The following RAD51B variants were observed in gnomAD, a reference collection of about 807,000 sequenced individuals.
The protein encoded by RAD51B is RAD51 paralog B, also known as DNA repair protein RAD51 homolog 2.
RAD51B carries 38 observed loss-of-function variants against 42.2 expected under a neutral mutation model. That is an observed-to-expected ratio of 0.90 (90% CI 0.70 to 1.18). The LOEUF is 1.18. Among genes scored for constraint, RAD51B ranks in the 50% most tolerant of loss-of-function variants. The pLI is 0.00. For synonymous variants in RAD51B, 154 were observed against 145.2 expected (o/e 1.06, Z -0.43); for missense variants, 373 against 400.7 (o/e 0.93, Z 0.59).
chr14:67,852,193 G>C (rs1191751495), intron 4 of RAD51B, among the ~76,000 whole-genome samples: 1 of 152,230 alleles, frequency 6.6e-6, no homozygotes, highest in Non-Finnish European at 1.5e-5. Flanking sequence ...GTTGGTGGTG[G>C]AGTGGGCGTG....
At chr14:68,449,882 C>T (rs968066905) in intron 9 of RAD51B, among the ~76,000 whole-genome samples, 4 of 152,094 alleles carry the variant, frequency 2.6e-5, no homozygotes, top group Non-Finnish European at 5.9e-5. Context: ...TAGAAGAACT[C>T]GGTCTGAATA....
intron 11 of RAD51B, among the ~76,000 whole-genome samples, chr14:68,673,644 A>G (rs117555425): frequency 0.094 from 14,263 of 152,130 alleles, 691 homozygotes; most frequent in Middle Eastern, 0.15. Context: ...ACATATGTAT[A>G]CATGCACACA....
chr14:68,060,875 T>G (rs969159083), intron 7 of RAD51B, among the ~76,000 whole-genome samples: 1 of 152,144 alleles, frequency 6.6e-6, no homozygotes, highest in African/African-American at 2.4e-5. Flanking sequence ...TTGTCAAAAA[T>G]TAGTTGGCTA....
At chr14:67,978,305 G>T (rs2075031268) in intron 7 of RAD51B, among the ~76,000 whole-genome samples, 1 of 152,210 alleles carries the variant, frequency 6.6e-6, no homozygotes, top group South Asian at 2.1e-4. Flanking sequence ...TAAAGTTCTT[G>T]ATTCTTACCT....
At chr14:68,034,286 G>T (rs1485538809) in intron 7 of RAD51B, among the ~76,000 whole-genome samples, 1 of 151,360 alleles carries the variant, frequency 6.6e-6, no homozygotes, top group Admixed American at 6.6e-5. Context: ...TTGGTGGTGG[G>T]GTGGGAACAT....
At chr14:68,207,805 T>C (rs2079623482) in intron 7 of RAD51B, among the ~76,000 whole-genome samples, 1 of 152,168 alleles carries the variant, frequency 6.6e-6, no homozygotes, top group East Asian at 1.9e-4. Context: ...TGATATTTGG[T>C]TACCAAAGGT....
chr14:68,580,398 C>T (rs1190603341), intron 10 of RAD51B, among the ~76,000 whole-genome samples: 1 of 152,166 alleles, frequency 6.6e-6, no homozygotes, highest in African/African-American at 2.4e-5. Context: ...GGAGGCCTGT[C>T]CTACCTTTGA....
At chr14:68,277,773 T>C (rs193035176) in intron 7 of RAD51B, among the ~76,000 whole-genome samples, 1 of 152,240 alleles carries the variant, frequency 6.6e-6, no homozygotes, top group East Asian at 1.9e-4. Context: ...GAGTCTCGCT[T>C]TGTCATCCAG....
At chr14:68,365,482 A>G (rs34550836) in intron 8 of RAD51B, among the ~76,000 whole-genome samples, 13,317 of 152,300 alleles carry the variant, frequency 0.087, 819 homozygotes, top group Non-Finnish European at 0.14. Flanking sequence ...TGTATCATAC[A>G]ATCTAGATAT....
intron 7 of RAD51B, among the ~76,000 whole-genome samples, chr14:68,231,412 G>T (rs149963608): frequency 2.0e-5 from 3 of 151,630 alleles, no homozygotes; most frequent in Non-Finnish European, 4.4e-5. Flanking sequence ...CTATAATTTC[G>T]ATTCCTTTTC....
chr14:67,824,372 T>C (rs1294095922), intron 2 of RAD51B, among the ~76,000 whole-genome samples: 2 of 152,134 alleles, frequency 1.3e-5, no homozygotes, highest in Non-Finnish European at 2.9e-5. Flanking sequence ...ATTCTCCTGC[T>C]TCCATCTCCT....
At chr14:68,433,645 C>T (rs1195483240) in intron 9 of RAD51B, among the ~76,000 whole-genome samples, 3 of 152,132 alleles carry the variant, frequency 2.0e-5, no homozygotes, top group South Asian at 2.1e-4. Context: ...GTTAGCCATT[C>T]GTCTAATCTT....
intron 7 of RAD51B, among the ~76,000 whole-genome samples, chr14:68,116,983 A>G (rs1047558496): frequency 6.6e-6 from 1 of 152,240 alleles, no homozygotes; most frequent in Non-Finnish European, 1.5e-5. Context: ...ATTAATTTAC[A>G]TAAGTCCCTT....
intron 10 of RAD51B, among the ~76,000 whole-genome samples, chr14:68,486,574 CAT>C (rs888979810): frequency 1.3e-5 from 2 of 152,230 alleles, no homozygotes; most frequent in Non-Finnish European, 2.9e-5. Flanking sequence ...GTGTCAATAA[CAT>C]AAGCCTCTCT....
At chr14:68,329,398 G>C (rs2082305345) in intron 8 of RAD51B, among the ~76,000 whole-genome samples, 1 of 152,110 alleles carries the variant, frequency 6.6e-6, no homozygotes, top group African/African-American at 2.4e-5. Flanking sequence ...ACAACTTCTG[G>C]GATCCACAGC....
intron 7 of RAD51B, among the ~76,000 whole-genome samples, chr14:68,019,051 A>C (rs1046250404): frequency 6.6e-6 from 1 of 152,172 alleles, no homozygotes; most frequent in African/African-American, 2.4e-5. Flanking sequence ...TTAGGCATTC[A>C]GTAATAATTG....
chr14:68,045,128 C>T lies in RAD51B; in HGVS notation c.756+157924C>T, dbSNP rs191149251. 1.6e-4 allele frequency among the ~76,000 whole-genome samples: 23 copies of T among 146,024 alleles called. No individual in the cohort carries two copies. In the East Asian group the frequency reaches 4.1e-3, roughly 26 times the overall value. The stretch of plus-strand genomic sequence containing the variant: ...GTGCATGCCTGTAATCCCAGCTACT[C>T]GGGAGGCTGAGGCAGGAGTATTGCT... On this transcript the variant is annotated intron_variant, in intron 7 of 10. Transcript: ENST00000471583.
intron 10 of RAD51B, among the ~76,000 whole-genome samples, chr14:68,561,611 G>T (rs751708853): frequency 6.6e-6 from 1 of 152,202 alleles, no homozygotes; most frequent in East Asian, 1.9e-4. Context: ...CAAGTTCCCC[G>T]TGTGGCTTCT....
chr14:67,991,439 G>T (rs1282313081), intron 7 of RAD51B, among the ~76,000 whole-genome samples: 2 of 152,082 alleles, frequency 1.3e-5, no homozygotes, highest in Non-Finnish European at 2.9e-5. Flanking sequence ...AGCAGACAGG[G>T]GTCTGAATTT....
Sources: gnomAD v4.1 joint callset for allele counts (sites outside exome capture counted in the v4.1 genomes callset) on GRCh38, gnomAD v4.1.1 for gene constraint, MANE v1.5 for transcripts, NCBI Gene and HGNC (gene_info 2026-07-23, HGNC 2026-07-21) for gene names.